The following WSCD2 variants were observed in gnomAD, a reference collection of about 807,000 sequenced individuals.
WSCD2 encodes sialate:O-sulfotransferase 2.
WSCD2 carries 28 observed loss-of-function variants against 55.7 expected under a neutral mutation model. The observed-to-expected ratio is 0.50, with a 90% confidence interval of 0.37 to 0.69. WSCD2 has a LOEUF of 0.69. Ranked by LOEUF, WSCD2 falls within the 30% of genes least tolerant of loss-of-function variation. WSCD2 has a pLI of 0.00. For missense variants in WSCD2, 616 were observed against 762.1 expected (o/e 0.81, Z 2.26); for synonymous variants, 301 against 301.9 (o/e 1.00, Z 0.03).
intron 6 of WSCD2, among the ~76,000 whole-genome samples, chr12:108,231,328 C>T (rs563262513): frequency 4.6e-5 from 7 of 152,352 alleles, no homozygotes; most frequent in African/African-American, 1.4e-4. Context: ...TCTGAGCCTT[C>T]CCTCAGCTGC....
At chr12:108,220,286 G>A (rs1887340578) in intron 4 of WSCD2, among the ~76,000 whole-genome samples, 1 of 152,180 alleles carries the variant, frequency 6.6e-6, no homozygotes, top group South Asian at 2.1e-4. Context: ...GATATATCAA[G>A]CGTTTACACA....
At chr12:108,169,215 C>T (rs1565930545) in intron 1 of WSCD2, among the ~76,000 whole-genome samples, 1 of 152,204 alleles carries the variant, frequency 6.6e-6, no homozygotes, top group African/African-American at 2.4e-5. Context: ...AGGGATCCCA[C>T]TGATTCTACA....
rs529225249 is a variant in WSCD2, at chr12:108,143,128, C to T, written c.-552+13202C>T. On this transcript the variant is annotated intron_variant, in intron 1 of 8. Coordinates refer to ENST00000547525, the MANE Select transcript of WSCD2 (RefSeq NM_014653.4). ...CGCATCCAGCCTCTCCGTCATGCTTCACCAATCTTTTGGCTCCCATTTTCT... is the reference window on the plus strand; with the variant it reads ...CGCATCCAGCCTCTCCGTCATGCTTTACCAATCTTTTGGCTCCCATTTTCT... Among the ~76,000 whole-genome samples the T allele has an allele frequency of 3.8e-3, 581 of 152,340 alleles. 2 individuals are homozygous for T. Among genetic ancestry groups the T allele is most frequent in the Non-Finnish European group, 4.9e-3 (330 of 68,032 alleles).
chr12:108,206,673 A>G (rs1403271402), intron 3 of WSCD2, among the ~76,000 whole-genome samples: 1 of 152,224 alleles, frequency 6.6e-6, no homozygotes, highest in African/African-American at 2.4e-5. Flanking sequence ...CATACAGGGT[A>G]CAGGGTCAGC....
Position 108,248,505 on chromosome 12 carries a change from C to T in WSCD2, c.*162C>T. 3 of 1,425,810 alleles carry T rather than the reference C, an allele frequency of 2.1e-6. No individual in the cohort carries two copies. Among genetic ancestry groups the T allele is most frequent in the South Asian group, 1.5e-5 (1 of 64,860 alleles). 88.3% of individuals were successfully genotyped at this position (1,425,810 alleles called of 1,614,324 possible). A position where few individuals can be genotyped will look rare whatever the true frequency, so the allele number is the denominator to read the frequency against. On this transcript the variant is annotated 3_prime_UTR_variant, in exon 9 of 9. Transcript: ENST00000547525. This position sits in a 1 kb window ranked among gnomAD's most constrained non-coding sequence, Gnocchi z 4.3. The stretch of plus-strand genomic sequence containing the variant: ...TGAGTTTCCTGCATGACAGAGGAGG[C>T]TCAAGGGAAGAGATTGCCCAGGCAC...
intron 1 of WSCD2, among the ~76,000 whole-genome samples, chr12:108,145,378 A>G (rs1877277259): frequency 6.6e-6 from 1 of 151,868 alleles, no homozygotes; most frequent in South Asian, 2.1e-4. Context: ...CCAACCTGCA[A>G]CCCCTCTACC....
intron 4 of WSCD2, among the ~76,000 whole-genome samples, chr12:108,219,031 C>T (rs12829941): frequency 0.027 from 4,167 of 152,228 alleles, 94 homozygotes; most frequent in Non-Finnish European, 0.042. Flanking sequence ...ATGTCAAACC[C>T]CTGGTGGCAT....
chr12:108,136,702 A>G (rs1049340969), intron 1 of WSCD2, among the ~76,000 whole-genome samples: 7 of 152,132 alleles, frequency 4.6e-5, no homozygotes, highest in Non-Finnish European at 7.4e-5. Flanking sequence ...GGCAGAGCCC[A>G]CGTCTCTCTG....
Position 108,129,291 on chromosome 12 carries a change from G to GCTC in WSCD2, c.-1186_-1185insTCC, listed in dbSNP as rs2136836812. Among the ~76,000 whole-genome samples the GCTC allele has an allele frequency of 6.6e-6, 1 of 152,294 alleles. No individual in the cohort carries two copies. The highest frequency in any genetic ancestry group is 2.1e-4 in the South Asian group (1 of 4,824). ...CGTGCGAGGAGCGCGCCGGGCTGAG[G>GCTC]CGCGCTGCTGGTGGCGGCGGCGGCA... On this transcript the variant is annotated 5_prime_UTR_variant, in exon 1 of 9. Transcript: ENST00000547525.
At chr12:108,182,606 C>T (rs536442962) in intron 1 of WSCD2, among the ~76,000 whole-genome samples, 6 of 152,246 alleles carry the variant, frequency 3.9e-5, no homozygotes, top group East Asian at 1.9e-4. Flanking sequence ...GGTATGGTCA[C>T]GTTACTAAAC....
chr12:108,165,850 C>A (rs915923410), intron 1 of WSCD2, among the ~76,000 whole-genome samples: 1 of 152,138 alleles, frequency 6.6e-6, no homozygotes, highest in Non-Finnish European at 1.5e-5. Context: ...ACACTCCAAA[C>A]AAAGACAAGG....
At chr12:108,145,540 G>A (rs777546666) in intron 1 of WSCD2, among the ~76,000 whole-genome samples, 1 of 152,190 alleles carries the variant, frequency 6.6e-6, no homozygotes, top group Non-Finnish European at 1.5e-5. Flanking sequence ...TGCGCTGCTG[G>A]TGGGAGTGTG....
chr12:108,190,873 G>A (rs2137031262), intron 1 of WSCD2, among the ~76,000 whole-genome samples: 1 of 152,252 alleles, frequency 6.6e-6, no homozygotes, highest in East Asian at 1.9e-4. Context: ...ATAAAATAAA[G>A]GGGGATGAAG....
rs181062185 is a variant in WSCD2 at position 108,184,058 on chromosome 12, C to T, written c.-551-11224C>T. On this transcript the variant is annotated intron_variant, in intron 1 of 8. Transcript: ENST00000547525. ...GGCTGAAGGCTGGGATGCAGGAAAACTGGGTCTGGGTAGAGTCACCCTCCA... is the reference window on the plus strand; with the variant it reads ...GGCTGAAGGCTGGGATGCAGGAAAATTGGGTCTGGGTAGAGTCACCCTCCA... Among the ~76,000 whole-genome samples the T allele has an allele frequency of 6.6e-5, 10 of 152,324 alleles. No individual in the cohort carries two copies. In the East Asian group the frequency reaches 1.9e-3, roughly 29 times the overall value.
chr12:108,140,981 C>T (rs978194367), intron 1 of WSCD2, among the ~76,000 whole-genome samples: 10 of 152,246 alleles, frequency 6.6e-5, no homozygotes, highest in South Asian at 2.1e-4. Flanking sequence ...CCTATGGCTA[C>T]GGGAAACAAT....
At chr12:108,221,292 C>G (rs952193907) in intron 4 of WSCD2, among the ~76,000 whole-genome samples, 2 of 152,084 alleles carry the variant, frequency 1.3e-5, no homozygotes, top group African/African-American at 4.8e-5. Context: ...TGGTGACTCA[C>G]GCCTGTAATT....
intron 1 of WSCD2, among the ~76,000 whole-genome samples, chr12:108,185,106 A>G (rs774113604): frequency 1.3e-5 from 2 of 152,220 alleles, no homozygotes; most frequent in Non-Finnish European, 2.9e-5. Flanking sequence ...TTTGAGGGCC[A>G]CATTTCCCTG....
chr12:108,237,826 A>G (rs539613944), intron 7 of WSCD2, among the ~76,000 whole-genome samples: 2 of 152,344 alleles, frequency 1.3e-5, no homozygotes, highest in African/African-American at 4.8e-5. Flanking sequence ...ATCTTGATAA[A>G]TACTGTGCTA....
chr12:108,187,703 TA>T (rs1882680897), intron 1 of WSCD2, among the ~76,000 whole-genome samples: 1 of 152,226 alleles, frequency 6.6e-6, no homozygotes, highest in Non-Finnish European at 1.5e-5. Flanking sequence ...CTATGTATTT[TA>T]AAAACAGTAG....
Sources: gnomAD v4.1 joint callset for allele counts (sites outside exome capture counted in the v4.1 genomes callset) on GRCh38, gnomAD v4.1.1 for gene constraint, Gnocchi (gnomAD v3.1) non-coding constraint, MANE v1.5 for transcripts, NCBI Gene and HGNC (gene_info 2026-07-23, HGNC 2026-07-21) for gene names.